CHST9: variants seen among roughly 807,000 people sequenced by gnomAD.
CHST9 encodes GalNAc-4-sulfotransferase 2.
Under a neutral mutation model 44.4 loss-of-function variants are expected in CHST9, and 41 were observed. The observed-to-expected ratio is 0.92, with a 90% CI of 0.72 to 1.20. The LOEUF is 1.20. Ranked by LOEUF, CHST9 falls within the 50% of genes most tolerant of loss-of-function variation. The pLI is 0.00. For missense variants in CHST9, 504 were observed against 516.5 expected (o/e 0.98, Z 0.23); for synonymous variants, 171 against 178.4 (o/e 0.96, Z 0.33).
chr18:26,982,737 C>G (rs1419883989), intron 4 of CHST9, among the ~76,000 whole-genome samples: 2 of 152,104 alleles, frequency 1.3e-5, no homozygotes, highest in Non-Finnish European at 2.9e-5. Context: ...ATTTACTGTA[C>G]CTTGTTCCAT....
chr18:27,043,254 C>T (rs1262609502), intron 3 of CHST9, among the ~76,000 whole-genome samples: 1 of 152,032 alleles, frequency 6.6e-6, no homozygotes. Flanking sequence ...ATATCCAGGG[C>T]TTCAACTCTT....
In CHST9 at chr18:26,911,073, C is replaced by T. The variant is rs1347447427; in HGVS notation, c.*5186G>A. 6.6e-6 allele frequency: 1 copy of T among 151,712 alleles called. No individual in the cohort carries two copies. The highest frequency in any genetic ancestry group is 1.9e-4 in the East Asian group (1 of 5,174). The allele number at this position is 151,712 out of a possible 1,614,324, so 9.4% of individuals were successfully genotyped here. On this transcript the variant is annotated 3_prime_UTR_variant, in exon 6 of 6. Coordinates refer to ENST00000618847, the MANE Select transcript of CHST9 (RefSeq NM_031422.6). ...TGTAGAAAAGGTGTGTGGCTCAGCT[C>T]CCTTCCCTCAGCTGCCCTGCTCTAG... is the stretch of plus-strand genomic sequence containing the variant.
At chr18:27,013,650 T>A (rs16943181) in intron 4 of CHST9, among the ~76,000 whole-genome samples, 20,933 of 152,186 alleles carry the variant, frequency 0.14, 3,299 homozygotes, top group African/African-American at 0.39. Flanking sequence ...TTATTGAGAA[T>A]TTCCCTAGTT....
chr18:26,955,179 CA>C (rs2056304589), intron 4 of CHST9, among the ~76,000 whole-genome samples: 1 of 151,310 alleles, frequency 6.6e-6, no homozygotes, highest in Non-Finnish European at 1.5e-5. Context: ...ACTGATTTTC[CA>C]AAATGTTTAA....
intron 2 of CHST9, among the ~76,000 whole-genome samples, chr18:27,094,020 G>A (rs1193090523): frequency 2.0e-5 from 3 of 152,074 alleles, no homozygotes; most frequent in Admixed American, 6.5e-5. Flanking sequence ...AGTGGAGCAC[G>A]CAAATTTTAC....
intron 4 of CHST9, among the ~76,000 whole-genome samples, chr18:27,018,528 G>A (rs2057181825): frequency 6.6e-6 from 1 of 152,134 alleles, no homozygotes; most frequent in East Asian, 1.9e-4. Flanking sequence ...GGTACAAACT[G>A]TTGGAAAATC....
intron 2 of CHST9, among the ~76,000 whole-genome samples, chr18:27,123,579 T>C (rs748866089): frequency 6.6e-6 from 1 of 152,208 alleles, no homozygotes; most frequent in Non-Finnish European, 1.5e-5. Flanking sequence ...GGAGGGCTAA[T>C]AGGCAATGGG....
intron 2 of CHST9, among the ~76,000 whole-genome samples, chr18:27,118,153 CT>C (rs2058344864): frequency 6.6e-6 from 1 of 152,186 alleles, no homozygotes. Flanking sequence ...TGTTGAGCAT[CT>C]TTCATATGCT....
intron 3 of CHST9, among the ~76,000 whole-genome samples, chr18:27,031,918 CA>C (rs1457223888): frequency 1.3e-5 from 2 of 152,228 alleles, no homozygotes; most frequent in African/African-American, 4.8e-5. Context: ...CATGCCAGGC[CA>C]AGCCCTTTAT....
chr18:27,104,983 G>T (rs1279976564), intron 2 of CHST9, among the ~76,000 whole-genome samples: 2 of 152,082 alleles, frequency 1.3e-5, no homozygotes, highest in African/African-American at 2.4e-5. Flanking sequence ...CATAGGAACT[G>T]TTCGCCTTCC....
At chr18:27,095,755 C>T (rs2339259) in intron 2 of CHST9, among the ~76,000 whole-genome samples, 5,684 of 152,132 alleles carry the variant, frequency 0.037, 330 homozygotes, top group African/African-American at 0.13. Flanking sequence ...AAAATATACA[C>T]ACCTAAAATT....
intron 3 of CHST9, among the ~76,000 whole-genome samples, chr18:27,037,929 T>C (rs1304425189): frequency 6.6e-6 from 1 of 152,056 alleles, no homozygotes; most frequent in Non-Finnish European, 1.5e-5. Context: ...CTGCCAAGTA[T>C]GTATATTAAA....
At chr18:27,073,037 C>T (rs1419302367) in intron 2 of CHST9, among the ~76,000 whole-genome samples, 2 of 152,150 alleles carry the variant, frequency 1.3e-5, no homozygotes, top group South Asian at 4.1e-4. Context: ...AAGCGTTGGG[C>T]TAAATCACCA....
At chr18:27,071,337 T>A (rs1016771239) in intron 2 of CHST9, among the ~76,000 whole-genome samples, 1 of 152,266 alleles carries the variant, frequency 6.6e-6, no homozygotes, top group Non-Finnish European at 1.5e-5. Flanking sequence ...TTTCCTTGGC[T>A]TCTTCCCCAG....
chr18:26,938,983 T>C (rs2056042016), intron 5 of CHST9, among the ~76,000 whole-genome samples: 2 of 152,320 alleles, frequency 1.3e-5, no homozygotes, highest in South Asian at 2.1e-4. Flanking sequence ...AATAAGAATT[T>C]AGTGATCTGA....
chr18:27,048,800 A>G (rs1361750291), intron 2 of CHST9, among the ~76,000 whole-genome samples: 1 of 152,142 alleles, frequency 6.6e-6, no homozygotes, highest in Non-Finnish European at 1.5e-5. Context: ...CATAGAAACC[A>G]TTATGGGGAA....
At chr18:27,027,619 G>A (rs391395) in intron 3 of CHST9, among the ~76,000 whole-genome samples, 1 of 152,188 alleles carries the variant, frequency 6.6e-6, no homozygotes, top group Non-Finnish European at 1.5e-5. Context: ...TTAAATATCA[G>A]ACATGCTGCT....
At chr18:27,176,034 A>T (rs2058865672) in intron 1 of CHST9, among the ~76,000 whole-genome samples, 2 of 151,918 alleles carry the variant, frequency 1.3e-5, no homozygotes, top group South Asian at 4.1e-4. Flanking sequence ...AGAATGCTTG[A>T]GTTTGTGTTT....
At chr18:27,150,227 T>C (rs2143895104) in intron 1 of CHST9, among the ~76,000 whole-genome samples, 1 of 152,300 alleles carries the variant, frequency 6.6e-6, no homozygotes, top group Admixed American at 6.5e-5. Context: ...TTCCCATCAT[T>C]GGCTTGGTGT....
Sources: allele counts gnomAD v4.1 joint callset (sites outside exome capture counted in the v4.1 genomes callset), GRCh38; gene constraint gnomAD v4.1.1; transcripts MANE v1.5; gene names NCBI Gene and HGNC (gene_info 2026-07-23, HGNC 2026-07-21).